The following ROCK2 variants were observed in gnomAD, a reference collection of about 807,000 sequenced individuals.
The protein encoded by ROCK2 is Rho associated coiled-coil containing protein kinase 2.
In ROCK2, 61 loss-of-function variants were observed where a neutral mutation model predicts 195.1. The observed-to-expected ratio is 0.31, with a 90% CI of 0.25 to 0.39. ROCK2 has a LOEUF of 0.39. ROCK2 is among the 10% of genes least tolerant of loss of function. The pLI is 1.00. For missense variants in ROCK2, 1,109 were observed against 1,637.4 expected, an observed-to-expected ratio of 0.68 and a Z score of 5.57; for synonymous variants, 504 against 545.5, an observed-to-expected ratio of 0.92 and a Z score of 1.06.
At chr2:11,250,751 C>A (rs1665802960) in intron 3 of ROCK2, among the ~76,000 whole-genome samples, 1 of 152,190 alleles carries the variant, frequency 6.6e-6, no homozygotes, top group African/African-American at 2.4e-5. Context: ...CAAGAAGTTT[C>A]AGAATCCAAC....
chr2:11,300,324 G>A (rs1008349257), intron 1 of ROCK2, among the ~76,000 whole-genome samples: 2 of 152,070 alleles, frequency 1.3e-5, no homozygotes, highest in South Asian at 2.1e-4. Context: ...GTGCAATGAC[G>A]TGATCTCAGC....
At chr2:11,327,733 TTGTATTTTTTGTAGA>T (rs1246070002) in intron 1 of ROCK2, among the ~76,000 whole-genome samples, 1 of 152,168 alleles carries the variant, frequency 6.6e-6, no homozygotes, top group Non-Finnish European at 1.5e-5. Context: ...TGGCTAATTT[TTGTATTTTTTGTAGA>T]GACAGGGTTT....
chr2:11,224,365 A>G lies in ROCK2; in HGVS notation c.964T>C (p.Ser322Pro). The change falls in exon 7 of 33, where the codon TCC becomes CCC. Residue 322 changes from serine to proline, a missense_variant. Transcript: ENST00000315872. The part of the protein sequence containing the change: ...SLCFPEDAEI[S>P]KHAKNLICAF... ...CAGATGAGATTCTTTGCATGTTTGG[A>G]AATTTCTGCATCTTCAGGGAAACAC... 6.2e-7 allele frequency: 1 copy of G among 1,613,542 alleles called. No homozygotes were observed.
chr2:11,239,235 A>C (rs1015916207), intron 4 of ROCK2, among the ~76,000 whole-genome samples: 1 of 152,154 alleles, frequency 6.6e-6, no homozygotes, highest in Non-Finnish European at 1.5e-5. Flanking sequence ...CAAAATAAAA[A>C]TTTTCTGGCT....
In ROCK2 at chr2:11,215,060, T is replaced by C; in HGVS notation, c.1716A>G (p.Arg572=). The C allele has an allele frequency of 1.2e-6, 2 of 1,614,146 alleles. No individual in the cohort carries two copies. Among genetic ancestry groups the C allele is most frequent in the Non-Finnish European group, 1.7e-6 (2 of 1,179,994 alleles). The change falls in exon 16 of 33, where the codon CGA becomes CGG. Residue 572 remains arginine (R), a synonymous_variant. Coordinates refer to ENST00000315872, the MANE Select transcript of ROCK2 (RefSeq NM_004850.5). ...RQLDETNALL[R]TESDTAARLR... ...ACCGGGCTGCAGTATCAGACTCTGTTCGCAGTAAAGCATTGGTTTCATCCA... is the reference window on the plus strand; with the variant it reads ...ACCGGGCTGCAGTATCAGACTCTGTCCGCAGTAAAGCATTGGTTTCATCCA...
intron 1 of ROCK2, among the ~76,000 whole-genome samples, chr2:11,332,472 C>A (rs546430213): frequency 6.6e-6 from 1 of 152,306 alleles, no homozygotes; most frequent in African/African-American, 2.4e-5. Context: ...TTAGGCCACA[C>A]TCATGACACA....
intron 3 of ROCK2, among the ~76,000 whole-genome samples, chr2:11,253,472 C>G (rs562872246): frequency 6.6e-6 from 1 of 152,198 alleles, no homozygotes; most frequent in African/African-American, 2.4e-5. Flanking sequence ...CTCTGACCAC[C>G]CTAACTGAAC....
At chr2:11,233,327 C>T (rs1665088658) in intron 5 of ROCK2, among the ~76,000 whole-genome samples, 1 of 152,092 alleles carries the variant, frequency 6.6e-6, no homozygotes. Flanking sequence ...TGTATATCAA[C>T]GGAACTGGTA....
At chr2:11,276,299 C>CA (rs1291660048) in intron 3 of ROCK2, among the ~76,000 whole-genome samples, 8 of 152,050 alleles carry the variant, frequency 5.3e-5, no homozygotes, top group East Asian at 1.9e-4. Flanking sequence ...TCCCACCTCC[C>CA]AAAAAATGTA....
intron 1 of ROCK2, among the ~76,000 whole-genome samples, chr2:11,293,991 A>G (rs969031027): frequency 2.0e-5 from 3 of 152,096 alleles, no homozygotes; most frequent in Non-Finnish European, 4.4e-5. Flanking sequence ...ACTTGTCTCT[A>G]CTAAAAATAC....
At chr2:11,258,963 T>C (rs746837907) in intron 3 of ROCK2, among the ~76,000 whole-genome samples, 27 of 150,116 alleles carry the variant, frequency 1.8e-4, no homozygotes, top group South Asian at 6.3e-4. Flanking sequence ...GAGTCAAATA[T>C]AGGAAAGGCA....
chr2:11,270,127 C>T (rs201257950), intron 3 of ROCK2, among the ~76,000 whole-genome samples: 1 of 11,102 alleles, frequency 9.0e-5, no homozygotes, highest in African/African-American at 1.3e-4. Flanking sequence ...CTTTTTTATT[C>T]GCAATTTTGC....
Position 11,327,089 on chromosome 2 carries a change from A to G in ROCK2, c.141+16907T>C, listed in dbSNP as rs554667033. ...TAATTGTGTGTGATTTTTATCCATC[A>G]CTGCTCAACAAATGCTTTTTTTGTT... On this transcript the variant is annotated intron_variant, in intron 1 of 32. Transcript: ENST00000315872. 6.6e-5 allele frequency among the ~76,000 whole-genome samples: 10 copies of G among 152,338 alleles called. 1 individual carries two copies. In the South Asian group the frequency reaches 2.1e-3, roughly 32 times the overall value.
At chr2:11,294,215 A>G (rs1667444837) in intron 1 of ROCK2, among the ~76,000 whole-genome samples, 1 of 152,144 alleles carries the variant, frequency 6.6e-6, no homozygotes, top group African/African-American at 2.4e-5. Flanking sequence ...GAAAGGAAAG[A>G]AAGGAAAGAG....
intron 25 of ROCK2, among the ~76,000 whole-genome samples, chr2:11,198,027 C>A (rs1018999978): frequency 2.6e-5 from 4 of 152,158 alleles, no homozygotes; most frequent in Non-Finnish European, 4.4e-5. Flanking sequence ...GCAGACCTTT[C>A]TTCTTTTATT....
intron 32 of ROCK2, chr2:11,184,533 T>G: frequency 3.2e-6 from 2 of 621,738 alleles, no homozygotes; most frequent in Non-Finnish European, 4.0e-6. Flanking sequence ...GTTAGCAACT[T>G]TTCGAAAACT....
intron 1 of ROCK2, among the ~76,000 whole-genome samples, chr2:11,339,600 T>C (rs982626163): frequency 2.0e-5 from 3 of 151,506 alleles, no homozygotes; most frequent in South Asian, 4.2e-4. Flanking sequence ...GGAGCTATAC[T>C]GATTATCATA....
At chr2:11,246,158 G>A (rs1665607771) in intron 4 of ROCK2, among the ~76,000 whole-genome samples, 1 of 152,110 alleles carries the variant, frequency 6.6e-6, no homozygotes, top group African/African-American at 2.4e-5. Flanking sequence ...TATGAACCTG[G>A]CCTATGAAGT....
In ROCK2 at chr2:11,235,129, A is replaced by C. The variant is rs1386782840; in HGVS notation, c.723+573T>G. 1.3e-5 allele frequency among the ~76,000 whole-genome samples: 2 copies of C among 152,194 alleles called. No homozygotes were observed. The highest frequency in any genetic ancestry group is 3.8e-4 in the East Asian group (2 of 5,200). ...GAAAAGGGCAAGATATATAAATTTT[A>C]CAACCAAAATAAATCAGTATCATAA... On this transcript the variant is annotated intron_variant, in intron 5 of 32. Coordinates refer to ENST00000315872, the MANE Select transcript of ROCK2 (RefSeq NM_004850.5). This position sits in a 1 kb window ranked among gnomAD's most constrained non-coding sequence, Gnocchi z 4.2.
Sources: allele counts gnomAD v4.1 joint callset (sites outside exome capture counted in the v4.1 genomes callset), GRCh38; gene constraint gnomAD v4.1.1; non-coding constraint Gnocchi (gnomAD v3.1); transcripts MANE v1.5; gene names NCBI Gene and HGNC (gene_info 2026-07-23, HGNC 2026-07-21).